Variants in DNAH14 observed in about 807,000 individuals in gnomAD.
The protein encoded by DNAH14 is dynein axonemal heavy chain 14.
DNAH14 carries 478 observed loss-of-function variants against 520.9 expected under a neutral mutation model. The observed-to-expected ratio is 0.92, with a 90% CI of 0.85 to 0.99. The LOEUF is 0.99. DNAH14 is among the 50% of genes least tolerant of loss of function. The pLI, the probability that DNAH14 is intolerant of heterozygous loss-of-function variation, is 0.00. For synonymous variants in DNAH14, 1,581 were observed against 1,757.2 expected, an observed-to-expected ratio of 0.90 and a Z score of 2.51; for missense variants, 4,831 against 5,234.5, an observed-to-expected ratio of 0.92 and a Z score of 2.38.
intron 11 of DNAH14, among the ~76,000 whole-genome samples, chr1:225,030,881 A>G (rs1428669672): frequency 6.6e-6 from 1 of 151,988 alleles, no homozygotes; most frequent in African/African-American, 2.4e-5. Context: ...TTTCATATAT[A>G]TCTTATAATT....
At chr1:225,380,555 G>A (rs1205665598) in intron 80 of DNAH14, among the ~76,000 whole-genome samples, 4 of 152,170 alleles carry the variant, frequency 2.6e-5, no homozygotes, top group African/African-American at 7.2e-5. Flanking sequence ...CAAAAGTGAA[G>A]AAATAACAAG....
chr1:225,088,938 T>C (rs1337672058), intron 21 of DNAH14, among the ~76,000 whole-genome samples: 1 of 152,236 alleles, frequency 6.6e-6, no homozygotes, highest in African/African-American at 2.4e-5. Flanking sequence ...GATATTTAAC[T>C]GGTAGTTAAA....
chr1:225,310,139 G>A (rs1295958381), intron 60 of DNAH14, among the ~76,000 whole-genome samples: 1 of 151,826 alleles, frequency 6.6e-6, no homozygotes, highest in East Asian at 1.9e-4. Flanking sequence ...TTGATACAGA[G>A]AAATTCATGG....
At chr1:225,212,305 T>C (rs1237373158) in intron 41 of DNAH14, among the ~76,000 whole-genome samples, 3 of 151,126 alleles carry the variant, frequency 2.0e-5, no homozygotes, top group Admixed American at 6.6e-5. Context: ...CAGTCTATCA[T>C]TGATGGACAT....
intron 36 of DNAH14, among the ~76,000 whole-genome samples, chr1:225,175,883 TG>T (rs555998997): frequency 4.6e-5 from 7 of 151,938 alleles, no homozygotes; most frequent in Admixed American, 4.6e-4. Flanking sequence ...CTCAGCCTCC[TG>T]AGTAGCTGGG....
intron 17 of DNAH14, among the ~76,000 whole-genome samples, chr1:225,062,722 G>A (rs1233977871): frequency 2.0e-5 from 3 of 152,138 alleles, no homozygotes; most frequent in Non-Finnish European, 4.4e-5. Context: ...ATTATACAAG[G>A]CATTCAGTGT....
intron 10 of DNAH14, among the ~76,000 whole-genome samples, chr1:225,009,458 G>T (rs1001915247): frequency 2.0e-4 from 30 of 152,088 alleles, no homozygotes; most frequent in Admixed American, 5.2e-4. Flanking sequence ...TGTTCCATTG[G>T]TCTATATATC....
At chr1:225,397,173 T>C in intron 84 of DNAH14, 1 of 152,318 alleles carries the variant, frequency 6.6e-6, no homozygotes, top group South Asian at 2.1e-4. Context: ...GAGACGGGGT[T>C]TCACCGTGTT....
chr1:225,239,795 A>C (rs774235275), intron 42 of DNAH14, among the ~76,000 whole-genome samples: 1 of 152,256 alleles, frequency 6.6e-6, no homozygotes, highest in Non-Finnish European at 1.5e-5. Flanking sequence ...TTTCAGATAG[A>C]ATTGTACAAA....
At chr1:224,952,005 T>G (rs941176653) in intron 1 of DNAH14, among the ~76,000 whole-genome samples, 11 of 152,234 alleles carry the variant, frequency 7.2e-5, no homozygotes, top group Non-Finnish European at 1.5e-4. Flanking sequence ...AGTTGATTTA[T>G]CTGAAGCATA....
chr1:225,214,135 C>T (rs912621624), intron 41 of DNAH14, among the ~76,000 whole-genome samples: 8 of 152,234 alleles, frequency 5.3e-5, no homozygotes, highest in East Asian at 3.9e-4. Flanking sequence ...TGAATTTTTT[C>T]GAAGGCCTTT....
At chr1:225,336,368 T>G (rs1475300270) in intron 66 of DNAH14, among the ~76,000 whole-genome samples, 1 of 152,102 alleles carries the variant, frequency 6.6e-6, no homozygotes, top group Non-Finnish European at 1.5e-5. Flanking sequence ...AAAGGATTAC[T>G]AGACTTAAGC....
intron 22 of DNAH14, among the ~76,000 whole-genome samples, chr1:225,098,008 C>T (rs2075137162): frequency 6.6e-6 from 1 of 152,046 alleles, no homozygotes; most frequent in African/African-American, 2.4e-5. Flanking sequence ...TTGGGCAACA[C>T]AGGGAAACCT....
rs201927412 is a variant in DNAH14, at chr1:225,198,418, C to T, written c.5886+5507C>T. Among the ~76,000 whole-genome samples the T allele has an allele frequency of 3.3e-5, 5 of 152,108 alleles. No homozygotes were observed. The East Asian group carries it at 5.8e-4, about 18-fold the overall frequency. Reference sequence around the variant, plus strand: ...TTTTTTAGTAGAGATGGGGTTTCACCGTGTTAGCCAGGATGGTCTCAATCT... The same window carrying T: ...TTTTTTAGTAGAGATGGGGTTTCACTGTGTTAGCCAGGATGGTCTCAATCT... On this transcript the variant is annotated intron_variant, in intron 38 of 85. Coordinates refer to ENST00000682510, the MANE Select transcript of DNAH14 (RefSeq NM_001367479.1).
intron 17 of DNAH14, among the ~76,000 whole-genome samples, chr1:225,075,334 G>A (rs2072127951): frequency 6.6e-6 from 1 of 152,016 alleles, no homozygotes. Context: ...TAGTCCCAAT[G>A]CAAGTACCTG....
At chr1:224,970,683 G>A (rs1572141155) in intron 7 of DNAH14, among the ~76,000 whole-genome samples, 2 of 152,172 alleles carry the variant, frequency 1.3e-5, no homozygotes, top group Admixed American at 1.3e-4. Context: ...AAATATTGGG[G>A]GTGAATTTTG....
chr1:224,937,555 G>T lies in DNAH14; in HGVS notation c.-34+7720G>T, dbSNP rs573508528. Among the ~76,000 whole-genome samples, 3 of 151,688 alleles carry T rather than the reference G, an allele frequency of 2.0e-5. No homozygotes were observed. In the South Asian group the frequency reaches 6.2e-4, roughly 32 times the overall value. On this transcript the variant is annotated intron_variant, in intron 1 of 85. Transcript: ENST00000682510. ...AAATTTGATGAAAGTAATTGAAGAG[G>T]ACACAATGAAATATATATTCCATGC...
intron 11 of DNAH14, 26 bp downstream of exon 11, chr1:225,023,891 A>T: frequency 6.7e-7 from 1 of 1,501,304 alleles, no homozygotes; most frequent in Non-Finnish European, 8.9e-7. Context: ...GAAGTCAAAA[A>T]GTAACTTACA....
intron 62 of DNAH14, among the ~76,000 whole-genome samples, chr1:225,323,147 C>T (rs2094586772): frequency 6.6e-6 from 1 of 152,126 alleles, no homozygotes; most frequent in Non-Finnish European, 1.5e-5. Context: ...CCTCAGTGAG[C>T]CCCAGCATGC....
Sources: gnomAD v4.1 joint callset for allele counts (sites outside exome capture counted in the v4.1 genomes callset) on GRCh38, gnomAD v4.1.1 for gene constraint, MANE v1.5 for transcripts, NCBI Gene and HGNC (gene_info 2026-07-23, HGNC 2026-07-21) for gene names.